Variants in ADAMTS3 observed in about 807,000 individuals in gnomAD.
ADAMTS3 encodes the protein A disintegrin and metalloproteinase with thrombospondin motifs 3.
A neutral mutation model predicts 129.0 loss-of-function variants in ADAMTS3; 73 were observed. That is an observed-to-expected ratio of 0.57 (90% CI 0.47 to 0.69). ADAMTS3 has a LOEUF of 0.69. Ranked by LOEUF, ADAMTS3 falls within the 30% of genes least tolerant of loss-of-function variation. The probability of loss-of-function intolerance (pLI) is 0.00; values close to 1 mark genes in which losing one functional copy is unlikely to be tolerated. For synonymous variants in ADAMTS3, 477 were observed against 510.8 expected (o/e 0.93, Z 0.89); for missense variants, 1,457 against 1,514.5 (o/e 0.96, Z 0.63).
intron 2 of ADAMTS3, among the ~76,000 whole-genome samples, chr4:72,562,893 T>A (rs1233494047): frequency 6.6e-6 from 1 of 152,166 alleles, no homozygotes; most frequent in Non-Finnish European, 1.5e-5. Context: ...TAAAGAAGCA[T>A]TAAAGTTCCA....
At chr4:72,323,420 A>T (rs559013825) in intron 5 of ADAMTS3, among the ~76,000 whole-genome samples, 1 of 152,176 alleles carries the variant, frequency 6.6e-6, no homozygotes, top group Non-Finnish European at 1.5e-5. Flanking sequence ...CAACCACAGG[A>T]GGGTAACTTT....
At chr4:72,416,208 AATAAAT>A (rs200383485) in intron 3 of ADAMTS3, among the ~76,000 whole-genome samples, 1,081 of 27,730 alleles carry the variant, frequency 0.039, 7 homozygotes, top group African/African-American at 0.088. Context: ...TATATAAATA[AATAAAT>A]ATATATATAT....
intron 4 of ADAMTS3, among the ~76,000 whole-genome samples, chr4:72,356,873 G>GA (rs1481867822): frequency 6.6e-6 from 1 of 151,606 alleles, no homozygotes; most frequent in Non-Finnish European, 1.5e-5. Flanking sequence ...TACTGAGCTG[G>GA]AAAAAATATT....
chr4:72,330,022 T>C (rs116060360), intron 5 of ADAMTS3, among the ~76,000 whole-genome samples: 1,682 of 152,228 alleles, frequency 0.011, 19 homozygotes, highest in African/African-American at 0.039. Context: ...TTGGTTTTTT[T>C]GTTTGTTTGT....
chr4:72,318,617 C>T lies in ADAMTS3; in HGVS notation c.1440G>A (p.Glu480=), dbSNP rs760774090. Residue 480 remains glutamate (E), a synonymous_variant, in exon 10 of 22, where the codon GAG becomes GAA. Coordinates refer to ENST00000286657, the MANE Select transcript of ADAMTS3 (RefSeq NM_014243.3). ...ELPGINYSMD[E]QCRFDFGVGY... ...CAACACCAAAATCAAAACGACATTG[C>T]TCATCCATAGAATAATTGATTCCAG... is the stretch of plus-strand genomic sequence containing the variant. The T allele has an allele frequency of 1.2e-6, 2 of 1,613,774 alleles. No individual in the cohort carries two copies. Among genetic ancestry groups the T allele is most frequent in the South Asian group, 1.1e-5 (1 of 91,064 alleles).
At chr4:72,543,335 C>A (rs760142476) in intron 3 of ADAMTS3, among the ~76,000 whole-genome samples, 9 of 152,010 alleles carry the variant, frequency 5.9e-5, no homozygotes, top group Non-Finnish European at 1.0e-4. Flanking sequence ...AATAGAATGA[C>A]CATATGATCC....
intron 3 of ADAMTS3, among the ~76,000 whole-genome samples, chr4:72,420,365 C>T (rs1404799854): frequency 6.6e-6 from 1 of 152,168 alleles, no homozygotes; most frequent in Non-Finnish European, 1.5e-5. Flanking sequence ...TGGCTCTTTC[C>T]TCTACTTGGA....
rs1204936465 is a variant in ADAMTS3 at position 72,416,000 on chromosome 4, A to C, written c.505-1029T>G. The stretch of plus-strand genomic sequence containing the variant: ...TGCCATATTTTTTCTCAAACCTTTA[A>C]CTTATTCTGTATTTTCACACAAGAG... On this transcript the variant is annotated intron_variant, in intron 3 of 21. Transcript: ENST00000286657. Among the ~76,000 whole-genome samples the C allele has an allele frequency of 8.6e-5, 13 of 151,600 alleles. No homozygotes were observed. In the East Asian group the frequency reaches 1.7e-3, roughly 20 times the overall value.
intron 3 of ADAMTS3, among the ~76,000 whole-genome samples, chr4:72,537,625 A>G (rs1291836886): frequency 6.6e-6 from 1 of 152,142 alleles, no homozygotes; most frequent in African/African-American, 2.4e-5. Context: ...CAACAACAAC[A>G]ACAACAAAGC....
intron 3 of ADAMTS3, among the ~76,000 whole-genome samples, chr4:72,445,750 A>T (rs1718234037): frequency 6.6e-6 from 1 of 151,750 alleles, no homozygotes; most frequent in African/African-American, 2.4e-5. Context: ...TGTCACCTTA[A>T]TTCCAGCATA....
At chr4:72,399,947 C>T (rs199746446) in intron 4 of ADAMTS3, among the ~76,000 whole-genome samples, 1 of 2,532 alleles carries the variant, frequency 3.9e-4, no homozygotes, top group Non-Finnish European at 7.3e-4. Context: ...TATGCACACA[C>T]GGTGTGTATA....
At chr4:72,344,490 T>C (rs1432513008) in intron 4 of ADAMTS3, among the ~76,000 whole-genome samples, 1 of 152,168 alleles carries the variant, frequency 6.6e-6, no homozygotes, top group Admixed American at 6.6e-5. Context: ...ATTCATTCTC[T>C]CTTCCCTAAG....
chr4:72,339,547 G>A lies in ADAMTS3; in HGVS notation c.808C>T (p.Arg270Cys), dbSNP rs1011210948. ...VLLGVDDSVV[R>C]FHGKEHVQNY... is the part of the protein sequence containing the mutation. ...TGGACGTGCTCTTTGCCATGGAAAC[G>A]GACCACAGAGTCATCCACTCCCAGC... is the stretch of plus-strand genomic sequence containing the variant. The change falls in exon 5 of 22, where the codon CGT (arginine) becomes TGT (cysteine). Residue 270 changes from arginine (R) to cysteine (C), a missense_variant. Transcript: ENST00000286657. 9.9e-6 allele frequency: 16 copies of A among 1,613,790 alleles called. No individual in the cohort carries two copies. In the Admixed American group the frequency reaches 1.7e-4, roughly 17 times the overall value.
chr4:72,560,800 T>C (rs531453199), intron 2 of ADAMTS3, among the ~76,000 whole-genome samples: 8 of 152,198 alleles, frequency 5.3e-5, no homozygotes, highest in Non-Finnish European at 1.0e-4. Context: ...CGTTTACCTA[T>C]GTAACAAACC....
chr4:72,428,530 CA>C (rs1187273064), intron 3 of ADAMTS3, among the ~76,000 whole-genome samples: 2 of 151,946 alleles, frequency 1.3e-5, no homozygotes, highest in Admixed American at 1.3e-4. Context: ...TTCAGCAAAC[CA>C]AGAACTGCTG....
chr4:72,558,566 T>C (rs1394846817), intron 2 of ADAMTS3, among the ~76,000 whole-genome samples: 4 of 151,784 alleles, frequency 2.6e-5, no homozygotes, highest in Non-Finnish European at 5.9e-5. Flanking sequence ...CTTTGGCATG[T>C]AACATAACAT....
At chr4:72,455,280 A>C (rs1389377674) in intron 3 of ADAMTS3, among the ~76,000 whole-genome samples, 1 of 151,710 alleles carries the variant, frequency 6.6e-6, no homozygotes, top group East Asian at 2.0e-4. Flanking sequence ...TAACACCATG[A>C]AATACAATGC....
intron 21 of ADAMTS3, 126 bp downstream of exon 21, chr4:72,288,625 C>A (rs1718573437): frequency 3.0e-6 from 2 of 668,078 alleles, no homozygotes; most frequent in Admixed American, 4.9e-5. Context: ...TAATATTTCA[C>A]AGGTGTTTTC....
intron 4 of ADAMTS3, among the ~76,000 whole-genome samples, chr4:72,408,367 GCACA>G (rs369261807): frequency 2.0e-5 from 3 of 151,266 alleles, no homozygotes; most frequent in Non-Finnish European, 4.4e-5. Context: ...CATAGGAGGT[GCACA>G]CACACACATA....
Sources: allele counts gnomAD v4.1 joint callset (sites outside exome capture counted in the v4.1 genomes callset), GRCh38; gene constraint gnomAD v4.1.1; transcripts MANE v1.5; gene names NCBI Gene and HGNC (gene_info 2026-07-23, HGNC 2026-07-21).